Variants in RBM19 observed in about 807,000 individuals in gnomAD.
The protein encoded by RBM19 is RNA binding motif protein 19.
A neutral mutation model predicts 116.8 loss-of-function variants in RBM19; 94 were observed. The observed-to-expected ratio is 0.80, with a 90% CI of 0.68 to 0.95. RBM19 has a LOEUF of 0.95. RBM19 is among the 40% of genes least tolerant of loss of function. The pLI, the probability that RBM19 is intolerant of heterozygous loss-of-function variation, is 0.00. For missense variants in RBM19, 1,161 were observed against 1,220.7 expected (o/e 0.95, Z 0.73); for synonymous variants, 475 against 494.1 (o/e 0.96, Z 0.51).
chr12:113,946,512 C>G (rs1871039497), intron 11 of RBM19, 37 bp from the exon 12 acceptor site: 1 of 1,613,352 alleles, frequency 6.2e-7, no homozygotes, highest in Admixed American at 1.7e-5. Context: ...AAACAGAAGC[C>G]TTGCCTGTAA....
intron 2 of RBM19, among the ~76,000 whole-genome samples, chr12:113,961,189 ATTT>A (rs554631593): frequency 6.7e-6 from 1 of 149,190 alleles, no homozygotes; most frequent in East Asian, 2.0e-4. Context: ...TGCCCGGCTA[ATTT>A]TTTTTTTTAT....
chr12:113,856,476 T>C (rs1428374922), intron 22 of RBM19, among the ~76,000 whole-genome samples: 1 of 152,196 alleles, frequency 6.6e-6, no homozygotes, highest in East Asian at 1.9e-4. Context: ...TCCCAAGGGC[T>C]GTGTCAACTC....
At position 113,948,833 on chromosome 12, in the gene RBM19, C is replaced by T; in HGVS notation, c.1276G>A (p.Gly426Ser). 2 of 1,614,154 alleles carry T rather than the reference C, an allele frequency of 1.2e-6. No individual in the cohort carries two copies. The highest frequency in any genetic ancestry group is 1.7e-6 in the Non-Finnish European group (2 of 1,180,024). ...CACGGCCCGGAGGCCACACCCCTAC[C>T]ATATTTGGAGAAGAGCTTCTCCAGA... Reference protein sequence around the residue: ...EDLEKLFSKYGPLSELHYPID... With the variant: ...EDLEKLFSKYSPLSELHYPID... Residue 426 changes from glycine to serine, a missense_variant and splice_region_variant, in exon 10 of 24, where the codon GGT (glycine) becomes AGT (serine). Physicochemically the swap from Gly to Ser is moderately conservative, Grantham distance 56 (BLOSUM62 0). Transcript: ENST00000261741.
chr12:113,905,711 A>C (rs935913011), intron 21 of RBM19, among the ~76,000 whole-genome samples: 1 of 152,230 alleles, frequency 6.6e-6, no homozygotes, highest in African/African-American at 2.4e-5. Flanking sequence ...GAATACAGAA[A>C]GTTAAATAAA....
At chr12:113,877,159 G>C (rs568878753) in intron 21 of RBM19, among the ~76,000 whole-genome samples, 1 of 152,326 alleles carries the variant, frequency 6.6e-6, no homozygotes, top group African/African-American at 2.4e-5. Flanking sequence ...AGGGTGTGGA[G>C]GTGATTTTAC....
intron 13 of RBM19, among the ~76,000 whole-genome samples, chr12:113,943,698 C>T (rs73399072): frequency 0.16 from 24,784 of 151,612 alleles, 2,725 homozygotes; most frequent in African/African-American, 0.32. Flanking sequence ...TGGTGCGTGC[C>T]TGTAATCCCA....
intron 21 of RBM19, among the ~76,000 whole-genome samples, chr12:113,890,927 A>G (rs1861808895): frequency 6.6e-6 from 1 of 151,782 alleles, no homozygotes; most frequent in South Asian, 2.1e-4. Flanking sequence ...AGCTGGGACT[A>G]TAGACTACAG....
chr12:113,856,390 G>A (rs988927942), intron 22 of RBM19, among the ~76,000 whole-genome samples: 37 of 152,350 alleles, frequency 2.4e-4, no homozygotes, highest in Middle Eastern at 3.4e-3. Context: ...TAATAAAGCT[G>A]AAGAGCAAAA....
At chr12:113,861,582 G>A (rs1490893150) in intron 21 of RBM19, among the ~76,000 whole-genome samples, 2 of 151,874 alleles carry the variant, frequency 1.3e-5, no homozygotes, top group Non-Finnish European at 2.9e-5. Context: ...GAGAGAGAGA[G>A]AGAAAGAGAC....
At chr12:113,889,626 C>T (rs540187765) in intron 21 of RBM19, among the ~76,000 whole-genome samples, 26 of 151,592 alleles carry the variant, frequency 1.7e-4, no homozygotes, top group South Asian at 6.3e-4. Flanking sequence ...TTTCTAGTGT[C>T]GCTGACATTT....
At chr12:113,842,844 G>A (rs892407009) in intron 23 of RBM19, among the ~76,000 whole-genome samples, 6 of 152,204 alleles carry the variant, frequency 3.9e-5, no homozygotes, top group African/African-American at 1.4e-4. Context: ...GGCATTCTAA[G>A]CAGAGGGAAC....
intron 16 of RBM19, among the ~76,000 whole-genome samples, chr12:113,930,471 C>T (rs1869506682): frequency 6.6e-6 from 1 of 152,208 alleles, no homozygotes. Flanking sequence ...ATGGGCAGAT[C>T]CCTTCCCTGG....
chr12:113,880,584 A>G (rs1184727875), intron 21 of RBM19, among the ~76,000 whole-genome samples: 1 of 152,156 alleles, frequency 6.6e-6, no homozygotes, highest in African/African-American at 2.4e-5. Context: ...TCTGGGCTAC[A>G]GCCCTACTTA....
chr12:113,825,058 C>T lies in RBM19; in HGVS notation c.2786-1737G>A, dbSNP rs2135678949. 6.6e-6 allele frequency among the ~76,000 whole-genome samples: 1 copy of T among 152,332 alleles called. No homozygotes were observed. Among genetic ancestry groups the T allele is most frequent in the Non-Finnish European group, 1.5e-5 (1 of 68,030 alleles). On this transcript the variant is annotated intron_variant, in intron 23 of 23. Coordinates refer to ENST00000261741, the MANE Select transcript of RBM19 (RefSeq NM_016196.4). The surrounding 1 kb of genome is among the most constrained non-coding windows in gnomAD (Gnocchi z 5.7). ...CCCACCCCCTGGCACTTTTTATTAC[C>T]CACACTGCCGCAGGCCTTTCTTTGT...
At chr12:113,853,901 T>A (rs1877671788) in intron 22 of RBM19, among the ~76,000 whole-genome samples, 1 of 152,116 alleles carries the variant, frequency 6.6e-6, no homozygotes, top group Non-Finnish European at 1.5e-5. Context: ...GGACAACCTC[T>A]TGGCCTTCCT....
intron 21 of RBM19, among the ~76,000 whole-genome samples, chr12:113,901,141 G>T (rs1881658965): frequency 6.6e-6 from 1 of 152,210 alleles, no homozygotes. Flanking sequence ...CAAGGTTCAT[G>T]TATGAACCTA....
chr12:113,903,343 G>C lies in RBM19; in HGVS notation c.2558+11626C>G, dbSNP rs1881829064. On this transcript the variant is annotated intron_variant, in intron 21 of 23. Transcript: ENST00000261741. This position sits in a 1 kb window ranked among gnomAD's most constrained non-coding sequence, Gnocchi z 5.1. ...TCATGTTTTCAAATCCACGTTATCAGTAGTCCATTCCTATTTATGGCCGAA... is the reference window on the plus strand; with the variant it reads ...TCATGTTTTCAAATCCACGTTATCACTAGTCCATTCCTATTTATGGCCGAA... Among the ~76,000 whole-genome samples the C allele has an allele frequency of 6.6e-6, 1 of 152,192 alleles. No homozygotes were observed. Among genetic ancestry groups the C allele is most frequent in the South Asian group, 2.1e-4 (1 of 4,836 alleles).
chr12:113,914,130 GT>G (rs1195771325), intron 21 of RBM19, among the ~76,000 whole-genome samples: 2 of 152,354 alleles, frequency 1.3e-5, no homozygotes, highest in African/African-American at 4.8e-5. Context: ...GACTTGTTTT[GT>G]TTTTAAAAAG....
At chr12:113,944,892 C>T (rs11066840) in intron 13 of RBM19, among the ~76,000 whole-genome samples, 24,812 of 151,262 alleles carry the variant, frequency 0.16, 2,767 homozygotes, top group African/African-American at 0.32. Flanking sequence ...CATTTATATA[C>T]ATATACACAC....
Sources: gnomAD v4.1 joint callset for allele counts (sites outside exome capture counted in the v4.1 genomes callset) on GRCh38, gnomAD v4.1.1 for gene constraint, Gnocchi (gnomAD v3.1) non-coding constraint, MANE v1.5 for transcripts, NCBI Gene and HGNC (gene_info 2026-07-23, HGNC 2026-07-21) for gene names.